Variants in HDAC4 observed in about 807,000 individuals in gnomAD.
The protein encoded by HDAC4 is histone deacetylase A.
Under a neutral mutation model 135.1 loss-of-function variants are expected in HDAC4, and 16 were observed. That is an observed-to-expected ratio of 0.12 (90% CI 0.08 to 0.18). HDAC4 has a LOEUF of 0.18. Ranked by LOEUF, HDAC4 falls within the 10% of genes least tolerant of loss-of-function variation. HDAC4 has a pLI of 1.00. For missense variants in HDAC4, 1,143 were observed against 1,511.8 expected, an observed-to-expected ratio of 0.76 and a Z score of 4.05; for synonymous variants, 685 against 653.4, an observed-to-expected ratio of 1.05 and a Z score of -0.74.
intron 2 of HDAC4, among the ~76,000 whole-genome samples, chr2:239,342,869 C>CTACACTGTCAAGGGGG (rs1311218158): frequency 3.9e-5 from 6 of 152,090 alleles, no homozygotes; most frequent in Non-Finnish European, 8.8e-5. Flanking sequence ...AAACAGCCGC[C>CTACACTGTCAAGGGGG]TACACTGTCA....
At chr2:239,347,683 T>G (rs942459914) in intron 2 of HDAC4, among the ~76,000 whole-genome samples, 10 of 151,978 alleles carry the variant, frequency 6.6e-5, no homozygotes, top group African/African-American at 2.4e-4. Flanking sequence ...CCTGGCTAAT[T>G]TTTGTGTTTT....
At chr2:239,182,103 C>T (rs1052241765) in intron 4 of HDAC4, among the ~76,000 whole-genome samples, 5 of 152,192 alleles carry the variant, frequency 3.3e-5, no homozygotes, top group Admixed American at 6.5e-5. Flanking sequence ...GCTGTGTACA[C>T]AGGGAAAGGT....
intron 3 of HDAC4, among the ~76,000 whole-genome samples, chr2:239,217,345 A>C (rs1427320994): frequency 6.6e-6 from 1 of 152,244 alleles, no homozygotes; most frequent in Admixed American, 6.5e-5. Flanking sequence ...CTCGCATTTT[A>C]AATGGAAATG....
At chr2:239,120,402 G>GACGCAC (rs2039553950) in intron 12 of HDAC4, among the ~76,000 whole-genome samples, 3 of 68,270 alleles carry the variant, frequency 4.4e-5, no homozygotes, top group African/African-American at 1.8e-4. Context: ...GACGCACACA[G>GACGCAC]ACACACACAC....
At chr2:239,310,392 T>TC (rs879879982) in intron 2 of HDAC4, among the ~76,000 whole-genome samples, 18 of 151,770 alleles carry the variant, frequency 1.2e-4, no homozygotes, top group Admixed American at 4.6e-4. Flanking sequence ...TGGATTTTGC[T>TC]CCCCCCCGAA....
chr2:239,199,576 G>A (rs1226629890), intron 3 of HDAC4, among the ~76,000 whole-genome samples: 1 of 152,162 alleles, frequency 6.6e-6, no homozygotes, highest in East Asian at 1.9e-4. Flanking sequence ...GCAGTGAGGA[G>A]GGTGTGTTTT....
intron 11 of HDAC4, among the ~76,000 whole-genome samples, chr2:239,130,658 G>A (rs543972590): frequency 3.3e-5 from 5 of 152,182 alleles, no homozygotes; most frequent in South Asian, 2.1e-4. Flanking sequence ...TTCCCTCTCC[G>A]CCTGCAAGCT....
chr2:239,363,434 T>A (rs1168737172), intron 1 of HDAC4, among the ~76,000 whole-genome samples: 2 of 152,216 alleles, frequency 1.3e-5, no homozygotes, highest in Non-Finnish European at 2.9e-5. Context: ...TATGCTAGAA[T>A]GAGACCAACA....
At chr2:239,162,880 A>G (rs2042899820) in intron 6 of HDAC4, among the ~76,000 whole-genome samples, 1 of 152,122 alleles carries the variant, frequency 6.6e-6, no homozygotes, top group South Asian at 2.1e-4. Context: ...ATAGCTGTCC[A>G]TTTTGAGGCT....
chr2:239,128,381 C>T (rs1356789457), intron 11 of HDAC4, among the ~76,000 whole-genome samples: 1 of 151,958 alleles, frequency 6.6e-6, no homozygotes, highest in African/African-American at 2.4e-5. Flanking sequence ...ATACAAAAAT[C>T]AGCCATGTAT....
At chr2:239,229,087 A>G (rs1344207341) in intron 3 of HDAC4, among the ~76,000 whole-genome samples, 3 of 152,206 alleles carry the variant, frequency 2.0e-5, no homozygotes, top group South Asian at 2.1e-4. Flanking sequence ...GGTGGCAGTG[A>G]GCCGAGATCC....
chr2:239,355,957 G>A (rs1693464798), intron 1 of HDAC4, among the ~76,000 whole-genome samples: 1 of 152,186 alleles, frequency 6.6e-6, no homozygotes, highest in African/African-American at 2.4e-5. Flanking sequence ...AGATTCAATA[G>A]AGCACAGGCA....
intron 9 of HDAC4, 83 bp from the exon 10 acceptor site, chr2:239,134,726 A>T: frequency 1.0e-6 from 1 of 963,962 alleles, no homozygotes. Flanking sequence ...AACGATGAAA[A>T]CACCTGCACT....
At chr2:239,073,284 A>G (rs1253926995) in intron 22 of HDAC4, among the ~76,000 whole-genome samples, 5 of 152,196 alleles carry the variant, frequency 3.3e-5, no homozygotes, top group African/African-American at 1.2e-4. Context: ...GCAGCTGTAG[A>G]AAGTGCTTTC....
intron 2 of HDAC4, among the ~76,000 whole-genome samples, chr2:239,301,477 T>TA (rs1365216550): frequency 4.1e-5 from 6 of 145,510 alleles, no homozygotes; most frequent in African/African-American, 1.2e-4. Flanking sequence ...CTTTCTTTTT[T>TA]TTTTTTTTTA....
chr2:239,209,483 A>G (rs2046247169), intron 3 of HDAC4, among the ~76,000 whole-genome samples: 1 of 152,236 alleles, frequency 6.6e-6, no homozygotes, highest in Non-Finnish European at 1.5e-5. Context: ...GGGAACAAAA[A>G]GATGGGATTC....
At chr2:239,316,817 G>A (rs1167151707) in intron 2 of HDAC4, among the ~76,000 whole-genome samples, 2 of 152,200 alleles carry the variant, frequency 1.3e-5, no homozygotes, top group Non-Finnish European at 2.9e-5. Flanking sequence ...AAAGGACAGG[G>A]GACAGCAGGG....
intron 3 of HDAC4, among the ~76,000 whole-genome samples, chr2:239,229,727 G>C (rs1275566084): frequency 6.6e-6 from 1 of 152,194 alleles, no homozygotes; most frequent in Non-Finnish European, 1.5e-5. Context: ...TGACTGAAGA[G>C]TTGATGTCAG....
At position 239,228,292 on chromosome 2, in the gene HDAC4, C is replaced by T. The variant is rs1358737890; in HGVS notation, c.94+8301G>A. ...AAGGGAGACAGGAAGACTGTGCTGC[C>T]CCCATGTCTGCCAGGCTCCCAGGCC... On this transcript the variant is annotated intron_variant, in intron 3 of 26. Coordinates refer to ENST00000543185, the MANE Select transcript of HDAC4 (RefSeq NM_001378414.1). 4.6e-5 allele frequency among the ~76,000 whole-genome samples: 7 copies of T among 152,186 alleles called. No individual in the cohort carries two copies. In the South Asian group the frequency reaches 1.0e-3, roughly 23 times the overall value.
Sources: gnomAD v4.1 joint callset for allele counts (sites outside exome capture counted in the v4.1 genomes callset) on GRCh38, gnomAD v4.1.1 for gene constraint, MANE v1.5 for transcripts, NCBI Gene and HGNC (gene_info 2026-07-23, HGNC 2026-07-21) for gene names.